Variants in TOX3 observed in about 807,000 individuals in gnomAD.
TOX3 encodes the protein TOX high mobility group box family member 3.
Under a neutral mutation model 64.3 loss-of-function variants are expected in TOX3, and 22 were observed. That is an observed-to-expected ratio of 0.34 (90% CI 0.24 to 0.49). TOX3 has a LOEUF of 0.49. TOX3 is among the 20% of genes least tolerant of loss of function. The probability of loss-of-function intolerance (pLI) is 0.99; values close to 1 mark genes in which losing one functional copy is unlikely to be tolerated. For missense variants in TOX3, 661 were observed against 714.4 expected (o/e 0.93, Z 0.85); for synonymous variants, 291 against 273.6 (o/e 1.06, Z -0.63).
At chr16:52,541,434 C>T (rs1262882205) in intron 1 of TOX3, among the ~76,000 whole-genome samples, 1 of 152,038 alleles carries the variant, frequency 6.6e-6, no homozygotes, top group Non-Finnish European at 1.5e-5. Context: ...TGAAACAGGC[C>T]GTGATGAACT....
intron 1 of TOX3, among the ~76,000 whole-genome samples, chr16:52,543,750 C>A (rs1312487209): frequency 6.6e-6 from 1 of 152,106 alleles, no homozygotes; most frequent in East Asian, 1.9e-4. Flanking sequence ...TGAAGTTATT[C>A]TCCTACTTGC....
intron 1 of TOX3, among the ~76,000 whole-genome samples, chr16:52,516,407 A>G (rs1962457356): frequency 6.6e-6 from 1 of 152,182 alleles, no homozygotes; most frequent in Admixed American, 6.5e-5. Context: ...ATTTAGAAAA[A>G]TCTGTCTCAT....
At chr16:52,454,620 T>C (rs1423741498) in intron 3 of TOX3, among the ~76,000 whole-genome samples, 1 of 152,194 alleles carries the variant, frequency 6.6e-6, no homozygotes, top group Non-Finnish European at 1.5e-5. Context: ...ACAGCTCCAA[T>C]CATTTTCCAT....
At chr16:52,465,929 G>T (rs924068307) in intron 2 of TOX3, among the ~76,000 whole-genome samples, 2 of 152,142 alleles carry the variant, frequency 1.3e-5, no homozygotes, top group Non-Finnish European at 2.9e-5. Context: ...TCTGACACAT[G>T]CATTCTAATA....
chr16:52,540,738 T>G (rs1963060341), intron 1 of TOX3, among the ~76,000 whole-genome samples: 1 of 152,104 alleles, frequency 6.6e-6, no homozygotes. Context: ...TGCTTCTTAT[T>G]TTGTGTGTTT....
chr16:52,518,528 T>C (rs550724610), intron 1 of TOX3, among the ~76,000 whole-genome samples: 2 of 152,318 alleles, frequency 1.3e-5, no homozygotes, highest in South Asian at 4.1e-4. Flanking sequence ...AAATAACATA[T>C]GAAATTAGTA....
chr16:52,483,614 G>A (rs986308596), intron 1 of TOX3, among the ~76,000 whole-genome samples: 2 of 134,610 alleles, frequency 1.5e-5, no homozygotes, highest in African/African-American at 2.8e-5. Flanking sequence ...TGTCGCCCAG[G>A]CTGGAGTGCA....
At chr16:52,452,583 G>A (rs1416666791) in intron 3 of TOX3, among the ~76,000 whole-genome samples, 1 of 151,794 alleles carries the variant, frequency 6.6e-6, no homozygotes. Context: ...AATGCTAAAT[G>A]ACGAGTTAAT....
At chr16:52,485,267 T>TATATAC (rs1567329607) in intron 1 of TOX3, among the ~76,000 whole-genome samples, 37 of 137,870 alleles carry the variant, frequency 2.7e-4, no homozygotes, top group African/African-American at 9.5e-4. Flanking sequence ...TATATATATA[T>TATATAC]ATATACATAT....
Position 52,546,897 on chromosome 16 carries a change from C to G in TOX3, c.-174G>C. ...AGGAGCTCGGGAGCCGCGGCCGCCGCACACAAAGGCGCGGCCACGCGAGCC... is the reference window on the plus strand; with the variant it reads ...AGGAGCTCGGGAGCCGCGGCCGCCGGACACAAAGGCGCGGCCACGCGAGCC... On this transcript the variant is annotated 5_prime_UTR_variant, in exon 1 of 7. Transcript: ENST00000219746. 8.8e-7 allele frequency: 1 copy of G among 1,138,516 alleles called. No homozygotes were observed. The highest frequency in any genetic ancestry group is 1.1e-6 in the Non-Finnish European group (1 of 928,796). 70.5% of individuals were successfully genotyped at this position (1,138,516 alleles called of 1,614,324 possible). A position where few individuals can be genotyped will look rare whatever the true frequency, so the allele number is the denominator to read the frequency against.
chr16:52,512,057 G>A (rs1962327139), intron 1 of TOX3, among the ~76,000 whole-genome samples: 1 of 152,078 alleles, frequency 6.6e-6, no homozygotes, highest in African/African-American at 2.4e-5. Context: ...TGCCTCCCAG[G>A]GTAAGTCTGA....
At chr16:52,529,093 T>G (rs1380966241) in intron 1 of TOX3, among the ~76,000 whole-genome samples, 2 of 152,186 alleles carry the variant, frequency 1.3e-5, no homozygotes, top group African/African-American at 4.8e-5. Flanking sequence ...TCAATGCTGA[T>G]TATGTCAGGA....
rs1480685175 is a variant in TOX3, at chr16:52,438,776, T to G, written c.*449A>C. On this transcript the variant is annotated 3_prime_UTR_variant, in exon 7 of 7. Transcript: ENST00000219746. ...ACAAATGTTTGTATGAAACTGGATC[T>G]TCATATTTCAGGTAGTTACAACTGT... is the stretch of plus-strand genomic sequence containing the variant. 8.7e-6 allele frequency: 2 copies of G among 230,176 alleles called. No individual in the cohort carries two copies. Among genetic ancestry groups the G allele is most frequent in the Non-Finnish European group, 1.8e-5 (2 of 111,362 alleles). 14.3% of individuals were successfully genotyped at this position (230,176 alleles called of 1,614,324 possible).
At chr16:52,492,566 T>TAA (rs1333278489) in intron 1 of TOX3, among the ~76,000 whole-genome samples, 7 of 114,586 alleles carry the variant, frequency 6.1e-5, no homozygotes, top group South Asian at 3.0e-4. Context: ...TGTATATAAA[T>TAA]ATATATATAT....
At position 52,470,877 on chromosome 16, in the gene TOX3, GA is replaced by G. The variant is rs1352686499; in HGVS notation, c.88-2304del. Among the ~76,000 whole-genome samples the G allele has an allele frequency of 4.6e-5, 7 of 152,254 alleles. No individual in the cohort carries two copies. The South Asian group carries it at 1.5e-3, about 32-fold the overall frequency. ...GCCTTAATTAATGGCTTTTAATTTG[GA>G]AACACTTGCTGATCAGGCGGGAACA... On this transcript the variant is annotated intron_variant, in intron 1 of 6. Transcript: ENST00000219746.
chr16:52,530,626 G>A (rs1488682551), intron 1 of TOX3, among the ~76,000 whole-genome samples: 1 of 151,882 alleles, frequency 6.6e-6, no homozygotes, highest in Non-Finnish European at 1.5e-5. Context: ...GGGAATGTAG[G>A]CGTGAGCCAC....
chr16:52,466,044 G>T (rs1215750349), intron 2 of TOX3, among the ~76,000 whole-genome samples: 1 of 152,158 alleles, frequency 6.6e-6, no homozygotes, highest in Non-Finnish European at 1.5e-5. Context: ...TAACCCTATG[G>T]TTGCATTTGC....
At chr16:52,547,191 C>T (rs1227753205), upstream of TOX3, among the ~76,000 whole-genome samples, 1 of 142,528 alleles carries the variant, frequency 7.0e-6, no homozygotes, top group Non-Finnish European at 1.6e-5. Context: ...CCTCAGCCGC[C>T]GGTCCCCTCC....
At position 52,439,826 on chromosome 16, in the gene TOX3, T is replaced by G. The variant is rs1313922897; in HGVS notation, c.1130A>C (p.Gln377Pro). 6.2e-7 allele frequency: 1 copy of G among 1,613,878 alleles called. No individual in the cohort carries two copies. Among genetic ancestry groups the G allele is most frequent in the East Asian group, 2.2e-5 (1 of 44,854 alleles). The part of the protein sequence containing the change: ...TVSASPQTLQ[Q>P]SLPRSIAPKP... ...GGGAGCGATTGACCTAGGGAGGGAT[T>G]GCTGGAGAGTCTGAGGTGATGCTGA... Residue 377 changes from glutamine (Q) to proline (P), a missense_variant, in exon 7 of 7, where the codon CAA becomes CCA. Physicochemically the swap from Gln to Pro is moderately conservative, Grantham distance 76. Transcript: ENST00000219746.
Sources: allele counts gnomAD v4.1 joint callset (sites outside exome capture counted in the v4.1 genomes callset), GRCh38; gene constraint gnomAD v4.1.1; transcripts MANE v1.5; gene names NCBI Gene and HGNC (gene_info 2026-07-23, HGNC 2026-07-21).